BLNK: variants seen among roughly 807,000 people sequenced by gnomAD.
BLNK encodes the protein B cell linker, also known as B-cell linker protein.
In BLNK, 29 loss-of-function variants were observed where a neutral mutation model predicts 73.5. The observed-to-expected ratio is 0.39, with a 90% CI of 0.29 to 0.54. The LOEUF (loss-of-function observed/expected upper bound fraction) is 0.54. Among genes scored for constraint, BLNK ranks in the 20% least tolerant of loss-of-function variants. The pLI, the probability that BLNK is intolerant of heterozygous loss-of-function variation, is 0.61. For synonymous variants in BLNK, 176 were observed against 200.8 expected, an observed-to-expected ratio of 0.88 and a Z score of 1.04; for missense variants, 460 against 562.8, an observed-to-expected ratio of 0.82 and a Z score of 1.85.
intron 4 of BLNK, among the ~76,000 whole-genome samples, chr10:96,228,311 G>A (rs1842360185): frequency 6.6e-6 from 1 of 152,056 alleles, no homozygotes. Context: ...AGGCTAGAGT[G>A]CAGTGGCAGG....
chr10:96,204,450 T>C (rs1212105285), intron 12 of BLNK, 82 bp downstream of exon 12: 11 of 1,402,924 alleles, frequency 7.8e-6, no homozygotes, highest in East Asian at 2.3e-5. Flanking sequence ...TGCAAGTCAG[T>C]GTCACTGTGC....
intron 15 of BLNK, among the ~76,000 whole-genome samples, chr10:96,197,646 A>G (rs958429122): frequency 2.0e-5 from 3 of 152,214 alleles, no homozygotes; most frequent in Non-Finnish European, 4.4e-5. Flanking sequence ...CTATAAGAAG[A>G]AAACAGAGGT....
At chr10:96,226,918 C>T (rs782673326) in intron 5 of BLNK, among the ~76,000 whole-genome samples, 2 of 151,952 alleles carry the variant, frequency 1.3e-5, no homozygotes, top group Admixed American at 6.6e-5. Context: ...GCTTGGGGCT[C>T]CTGAGCACCT....
chr10:96,209,870 T>A lies in BLNK; in HGVS notation c.714A>T (p.Pro238=). ...NSGAWETKSP[P]PAAPSPLPRA... The stretch of plus-strand genomic sequence containing the variant: ...GTGGCAACGGGGATGGTGCAGCTGG[T>A]GGAGGTGACTTGGTTTCCCAGGCCC... Residue 238 remains proline (P), a synonymous_variant, in exon 9 of 17, where the codon CCA becomes CCT. Coordinates refer to ENST00000224337, the MANE Select transcript of BLNK (RefSeq NM_013314.4). The A allele has an allele frequency of 6.2e-7, 1 of 1,614,180 alleles. No individual in the cohort carries two copies.
At chr10:96,268,829 CCTT>C (rs1367854441) in intron 1 of BLNK, among the ~76,000 whole-genome samples, 4 of 152,108 alleles carry the variant, frequency 2.6e-5, no homozygotes, top group Admixed American at 2.0e-4. Flanking sequence ...CACTCACTGT[CCTT>C]CTATTTTTGT....
rs11596417 is a variant in BLNK at position 96,252,676 on chromosome 10, A to G, written c.48-5627T>C. On this transcript the variant is annotated intron_variant, in intron 1 of 16. Transcript: ENST00000224337. ...ATTTTAATTTATTTTATAGTCATGT[A>G]CTTTCTTCTTGAGCCACAGTTTGCA... Among the ~76,000 whole-genome samples the G allele has an allele frequency of 5.2e-3, 787 of 152,222 alleles. 3 individuals are homozygous for G. The highest frequency in any genetic ancestry group is 8.6e-3 in the Non-Finnish European group (583 of 68,010).
intron 8 of BLNK, among the ~76,000 whole-genome samples, chr10:96,213,714 G>A (rs959559254): frequency 3.9e-5 from 6 of 152,214 alleles, no homozygotes; most frequent in South Asian, 4.1e-4. Context: ...TTTCTCTAAA[G>A]GAGGGTTGAG....
At chr10:96,192,228 G>T in intron 16 of BLNK, 136 bp from the exon 17 acceptor site, 1 of 1,236,432 alleles carries the variant, frequency 8.1e-7, no homozygotes, top group Non-Finnish European at 1.1e-6. Context: ...AAAAAATCTA[G>T]TTTAACAAAG....
At chr10:96,192,899 A>C (rs2083364729) in intron 16 of BLNK, among the ~76,000 whole-genome samples, 1 of 152,242 alleles carries the variant, frequency 6.6e-6, no homozygotes, top group Non-Finnish European at 1.5e-5. Flanking sequence ...ATTGTTTTAC[A>C]ACAGTGCCAT....
intron 16 of BLNK, among the ~76,000 whole-genome samples, chr10:96,194,686 A>C (rs1229901279): frequency 6.6e-6 from 1 of 152,020 alleles, no homozygotes; most frequent in African/African-American, 2.4e-5. Flanking sequence ...AATGGAATAG[A>C]CATTTCTCTG....
At chr10:96,262,235 T>G (rs549643837) in intron 1 of BLNK, among the ~76,000 whole-genome samples, 2 of 152,254 alleles carry the variant, frequency 1.3e-5, no homozygotes, top group South Asian at 4.1e-4. Flanking sequence ...CCTGAACCTA[T>G]TACACTTAAT....
chr10:96,251,131 T>G (rs181238662), intron 1 of BLNK, among the ~76,000 whole-genome samples: 1 of 152,360 alleles, frequency 6.6e-6, no homozygotes, highest in African/African-American at 2.4e-5. Context: ...TTTTAAAGTT[T>G]TCTTCTCTCT....
chr10:96,226,832 T>A (rs1210689921), intron 5 of BLNK, among the ~76,000 whole-genome samples: 2 of 150,656 alleles, frequency 1.3e-5, no homozygotes, highest in African/African-American at 2.4e-5. Context: ...TGAGACTCTG[T>A]CGCAAAAAAA....
chr10:96,204,736 T>TA, intron 11 of BLNK, 120 bp from the exon 12 acceptor site: 1 of 844,612 alleles, frequency 1.2e-6, no homozygotes, highest in South Asian at 1.4e-5. Flanking sequence ...GAACATGTCT[T>TA]AGTTACTGAG....
Position 96,207,892 on chromosome 10 carries a change from G to A in BLNK, c.754C>T (p.Pro252Ser). 1.3e-5 allele frequency: 21 copies of A among 1,614,092 alleles called. No individual in the cohort carries two copies. Among genetic ancestry groups the A allele is most frequent in the Non-Finnish European group, 1.8e-5 (21 of 1,179,978 alleles). Residue 252 changes from proline (P) to serine (S), a missense_variant, in exon 10 of 17, where the codon CCA (proline) becomes TCA (serine). Pro to Ser is a moderately conservative substitution (Grantham distance 74, BLOSUM62 -1). Transcript: ENST00000224337. Reference sequence around the variant, plus strand: ...CTTACTGTCTTCAGTGGTGTCGTTGGTTTTTTCCTGGGGAATAAAAAGAGA... The same window carrying A: ...CTTACTGTCTTCAGTGGTGTCGTTGATTTTTTCCTGGGGAATAAAAAGAGA... ...PSPLPRAGKK[P>S]TTPLKTTPVA...
intron 6 of BLNK, among the ~76,000 whole-genome samples, chr10:96,221,906 C>T (rs2084204854): frequency 6.6e-6 from 1 of 152,098 alleles, no homozygotes; most frequent in Non-Finnish European, 1.5e-5. Context: ...ATTGTGGGAG[C>T]TATGACAAAT....
Position 96,207,906 on chromosome 10 carries a change from A to C in BLNK, c.747-7T>G. On this transcript the variant is annotated splice_region_variant and splice_polypyrimidine_tract_variant and intron_variant, in intron 9 of 16. Transcript: ENST00000224337. ...TGGTGTCGTTGGTTTTTTCCTGGGG[A>C]ATAAAAAGAGATGAGCTTTGTTAAA... The C allele has an allele frequency of 6.2e-7, 1 of 1,613,814 alleles. No individual in the cohort carries two copies. Among genetic ancestry groups the C allele is most frequent in the Non-Finnish European group, 8.5e-7 (1 of 1,179,822 alleles).
rs1842309403 is a variant in BLNK at position 96,227,354 on chromosome 10, C to A, written c.361+56G>T. 1.8e-5 allele frequency: 28 copies of A among 1,597,304 alleles called. No homozygotes were observed. In the East Asian group the frequency reaches 1.8e-4, roughly 10 times the overall value. On this transcript the variant is annotated intron_variant, in intron 5 of 16. Coordinates refer to ENST00000224337, the MANE Select transcript of BLNK (RefSeq NM_013314.4). ...GTCCCCACCCCGCAATCTTGGACAC[C>A]CCCACCTCCCCATGGGCCTGGAAGG...
Position 96,247,025 on chromosome 10 carries a change from A to G in BLNK, c.72T>C (p.Asp24=). ...TTATTCCACCTTCATTGTTTTTAAT[A>G]TCATGGACCATCTTTTGAAGCTGCC... The part of the protein sequence containing the change: ...KLRQLQKMVH[D]IKNNEGGIMN... Residue 24 remains aspartate, a synonymous_variant, in exon 2 of 17, where the codon GAT becomes GAC. Coordinates refer to ENST00000224337, the MANE Select transcript of BLNK (RefSeq NM_013314.4). 6.2e-7 allele frequency: 1 copy of G among 1,606,242 alleles called. No homozygotes were observed. The highest frequency in any genetic ancestry group is 8.5e-7 in the Non-Finnish European group (1 of 1,176,044).
Sources: gnomAD v4.1 joint callset for allele counts (sites outside exome capture counted in the v4.1 genomes callset) on GRCh38, gnomAD v4.1.1 for gene constraint, MANE v1.5 for transcripts, NCBI Gene and HGNC (gene_info 2026-07-23, HGNC 2026-07-21) for gene names.